IGSF21: variants seen among roughly 807,000 people sequenced by gnomAD.
The protein encoded by IGSF21 is immunoglobin superfamily member 21.
A neutral mutation model predicts 46.8 loss-of-function variants in IGSF21; 28 were observed. The observed-to-expected ratio is 0.60, with a 90% CI of 0.44 to 0.82. The LOEUF (loss-of-function observed/expected upper bound fraction) is 0.82. Among genes scored for constraint, IGSF21 ranks in the 40% least tolerant of loss-of-function variants. The pLI, the probability that IGSF21 is intolerant of heterozygous loss-of-function variation, is 0.00. For missense variants in IGSF21, 624 were observed against 665.5 expected, an observed-to-expected ratio of 0.94 and a Z score of 0.69; for synonymous variants, 284 against 273.6, an observed-to-expected ratio of 1.04 and a Z score of -0.38.
chr1:18,327,617 CAAG>C (rs1251705897), intron 3 of IGSF21, among the ~76,000 whole-genome samples: 4 of 152,124 alleles, frequency 2.6e-5, no homozygotes, highest in South Asian at 2.1e-4. Context: ...AAAATAATGA[CAAG>C]GAGTGGAAGA....
intron 1 of IGSF21, among the ~76,000 whole-genome samples, chr1:18,173,945 A>C (rs2086769193): frequency 6.6e-6 from 1 of 152,072 alleles, no homozygotes; most frequent in South Asian, 2.1e-4. Context: ...GTAGAGAAAG[A>C]GTTTCACCAC....
At chr1:18,137,116 C>G (rs998120552) in intron 1 of IGSF21, among the ~76,000 whole-genome samples, 2 of 152,154 alleles carry the variant, frequency 1.3e-5, no homozygotes, top group Admixed American at 1.3e-4. Context: ...TCTAGGGAGG[C>G]CTCTAGAAGC....
intron 1 of IGSF21, among the ~76,000 whole-genome samples, chr1:18,181,209 T>C (rs961640023): frequency 1.3e-5 from 2 of 152,182 alleles, no homozygotes; most frequent in African/African-American, 4.8e-5. Context: ...TCTGGCATCA[T>C]TTAACACCTG....
chr1:18,138,208 C>T (rs2086384756), intron 1 of IGSF21, among the ~76,000 whole-genome samples: 1 of 152,154 alleles, frequency 6.6e-6, no homozygotes, highest in Non-Finnish European at 1.5e-5. Flanking sequence ...GGCTACAGAA[C>T]CAGTGAGCTT....
chr1:18,224,864 AG>A (rs2084545765), intron 1 of IGSF21, among the ~76,000 whole-genome samples: 1 of 152,014 alleles, frequency 6.6e-6, no homozygotes, highest in South Asian at 2.1e-4. Flanking sequence ...CAGGAGTTTG[AG>A]ATCACCCTGG....
At chr1:18,372,645 G>GATGGATGGATGGATGT (rs2086237573) in intron 6 of IGSF21, among the ~76,000 whole-genome samples, 1 of 151,390 alleles carries the variant, frequency 6.6e-6, no homozygotes, top group African/African-American at 2.4e-5. Context: ...TGGATGGATG[G>GATGGATGGATGGATGT]ATGGATGGAT....
At chr1:18,246,135 A>G (rs2084781025) in intron 2 of IGSF21, among the ~76,000 whole-genome samples, 1 of 152,156 alleles carries the variant, frequency 6.6e-6, no homozygotes, top group South Asian at 2.1e-4. Flanking sequence ...TCTCTTGAGC[A>G]GCATCCCAGC....
At position 18,268,502 on chromosome 1, in the gene IGSF21, C is replaced by T. The variant is rs76982763; in HGVS notation, c.184-23364C>T. Among the ~76,000 whole-genome samples the T allele has an allele frequency of 1.8e-3, 279 of 152,244 alleles. 1 individual carries two copies. The highest frequency in any genetic ancestry group is 6.3e-3 in the African/African-American group (261 of 41,524). On this transcript the variant is annotated intron_variant, in intron 2 of 9. Coordinates refer to ENST00000251296, the MANE Select transcript of IGSF21 (RefSeq NM_032880.5). ...GGGTCCCAAGAAGTGAAGCTGAAGC[C>T]GAGATGGGTCCCAAAGACAGGTCAC...
intron 4 of IGSF21, among the ~76,000 whole-genome samples, chr1:18,342,960 A>G (rs910702711): frequency 6.6e-6 from 1 of 152,214 alleles, no homozygotes; most frequent in South Asian, 2.1e-4. Context: ...TCCTTGGAGT[A>G]GAACTGCTGA....
chr1:18,210,906 C>T (rs1050361984), intron 1 of IGSF21, among the ~76,000 whole-genome samples: 1 of 152,108 alleles, frequency 6.6e-6, no homozygotes, highest in African/African-American at 2.4e-5. Context: ...CTCACTCTGT[C>T]ACTCAGGCTG....
chr1:18,149,555 C>T (rs553663404), intron 1 of IGSF21, among the ~76,000 whole-genome samples: 110 of 151,982 alleles, frequency 7.2e-4, no homozygotes, highest in African/African-American at 2.4e-3. Context: ...AGACCTGCCT[C>T]CCCAGTACCG....
intron 1 of IGSF21, among the ~76,000 whole-genome samples, chr1:18,172,118 G>T (rs1344644022): frequency 6.6e-6 from 1 of 152,172 alleles, no homozygotes; most frequent in African/African-American, 2.4e-5. Context: ...ACTTTGATGA[G>T]GGCCTGGGCT....
intron 2 of IGSF21, among the ~76,000 whole-genome samples, chr1:18,287,998 C>T (rs1406707928): frequency 1.3e-5 from 2 of 152,062 alleles, no homozygotes; most frequent in East Asian, 1.9e-4. Context: ...TGTGAGTGCT[C>T]GTGAAAATAC....
At chr1:18,351,039 C>T (rs890391664) in intron 4 of IGSF21, among the ~76,000 whole-genome samples, 2 of 152,056 alleles carry the variant, frequency 1.3e-5, no homozygotes, top group African/African-American at 4.8e-5. Context: ...GTGGGCCCTT[C>T]GACACCTTGT....
At chr1:18,362,734 A>G (rs1003479721) in intron 5 of IGSF21, among the ~76,000 whole-genome samples, 2 of 152,176 alleles carry the variant, frequency 1.3e-5, no homozygotes, top group Non-Finnish European at 2.9e-5. Context: ...GAAGGAAGGG[A>G]GAAAGGGAGG....
At chr1:18,307,141 G>A (rs2085434420) in intron 3 of IGSF21, among the ~76,000 whole-genome samples, 1 of 152,048 alleles carries the variant, frequency 6.6e-6, no homozygotes. Context: ...GTTTGGCCAT[G>A]TCTTGTTTTT....
At chr1:18,190,142 C>T (rs564095953) in intron 1 of IGSF21, among the ~76,000 whole-genome samples, 1 of 152,312 alleles carries the variant, frequency 6.6e-6, no homozygotes, top group East Asian at 1.9e-4. Context: ...AGAGGTGGCC[C>T]CCATCTGTGC....
At position 18,108,089 on chromosome 1, in the gene IGSF21, A is replaced by C; in HGVS notation, c.-40A>C. ...GAGGGGACCCGCCGCCACCGCCTCC[A>C]CCCCCGCCGCCCCGCCACCGCCGCC... On this transcript the variant is annotated 5_prime_UTR_variant, in exon 1 of 10. Coordinates refer to ENST00000251296, the MANE Select transcript of IGSF21 (RefSeq NM_032880.5). 1 of 1,035,470 alleles carries C rather than the reference A, an allele frequency of 9.7e-7. No homozygotes were observed. The highest frequency in any genetic ancestry group is 1.3e-6 in the Non-Finnish European group (1 of 761,742). The allele number at this position is 1,035,470 out of a possible 1,614,324, so 64.1% of individuals were successfully genotyped here.
chr1:18,235,622 T>A, intron 2 of IGSF21, among the ~76,000 whole-genome samples: 1 of 152,172 alleles, frequency 6.6e-6, no homozygotes, highest in East Asian at 1.9e-4. Flanking sequence ...AAAGTGCATG[T>A]GGCTGGAACA....
Sources: gnomAD v4.1 joint callset for allele counts (sites outside exome capture counted in the v4.1 genomes callset) on GRCh38, gnomAD v4.1.1 for gene constraint, MANE v1.5 for transcripts, NCBI Gene and HGNC (gene_info 2026-07-23, HGNC 2026-07-21) for gene names.